Variants in STT3B observed in about 807,000 individuals in gnomAD.
STT3B encodes the protein dolichyl-diphosphooligosaccharide--protein glycosyltransferase subunit STT3B.
A neutral mutation model predicts 96.8 loss-of-function variants in STT3B; 29 were observed. That is an observed-to-expected ratio of 0.30 (90% CI 0.22 to 0.41). The LOEUF (loss-of-function observed/expected upper bound fraction) is 0.41, where lower values mean the gene tolerates loss of function less well. STT3B is among the 10% of genes least tolerant of loss of function. STT3B has a pLI of 1.00. For missense variants in STT3B, 640 were observed against 1,022.3 expected, an observed-to-expected ratio of 0.63 and a Z score of 5.10; for synonymous variants, 367 against 360.0, an observed-to-expected ratio of 1.02 and a Z score of -0.22.
intron 1 of STT3B, among the ~76,000 whole-genome samples, chr3:31,546,548 G>T (rs1267086080): frequency 1.3e-5 from 2 of 152,180 alleles, no homozygotes; most frequent in Non-Finnish European, 2.9e-5. Context: ...GCTATATTTT[G>T]TTGTTCTCAA....
intron 4 of STT3B, among the ~76,000 whole-genome samples, chr3:31,599,962 TACA>T (rs1339121181): frequency 3.3e-5 from 5 of 152,152 alleles, no homozygotes; most frequent in Admixed American, 3.3e-4. Flanking sequence ...TGACCTTTCT[TACA>T]ACAAATTTGT....
chr3:31,597,627 TA>T (rs1375483074), intron 4 of STT3B, among the ~76,000 whole-genome samples: 1 of 152,110 alleles, frequency 6.6e-6, no homozygotes, highest in Non-Finnish European at 1.5e-5. Flanking sequence ...TGGCTAATTT[TA>T]AAAAATATTT....
intron 15 of STT3B, among the ~76,000 whole-genome samples, chr3:31,635,424 C>A (rs1437240239): frequency 6.6e-6 from 1 of 152,066 alleles, no homozygotes; most frequent in African/African-American, 2.4e-5. Flanking sequence ...ATGTATGAAA[C>A]TGAAGGAATA....
At chr3:31,615,809 AC>A (rs1328159286) in intron 6 of STT3B, among the ~76,000 whole-genome samples, 1 of 151,822 alleles carries the variant, frequency 6.6e-6, no homozygotes, top group Admixed American at 6.6e-5. Flanking sequence ...TTTAAAAACA[AC>A]CCTTAAAATT....
At chr3:31,567,233 G>C (rs1003633438) in intron 1 of STT3B, among the ~76,000 whole-genome samples, 1 of 152,078 alleles carries the variant, frequency 6.6e-6, no homozygotes, top group Non-Finnish European at 1.5e-5. Flanking sequence ...TGTAATACTT[G>C]GTACAGTGCT....
In STT3B at chr3:31,593,996, T is replaced by C. The variant is rs1473167262; in HGVS notation, c.712-2802T>C. ...ATGTCTTATAGTTTTGGGTTGAAGC[T>C]TACCCTTGTTATTTTTAAAAATAGC... is the stretch of plus-strand genomic sequence containing the variant. On this transcript the variant is annotated intron_variant, in intron 3 of 15. Transcript: ENST00000295770. Among the ~76,000 whole-genome samples, 5 of 152,296 alleles carry C rather than the reference T, an allele frequency of 3.3e-5. No homozygotes were observed. The South Asian group carries it at 1.0e-3, about 32-fold the overall frequency.
At chr3:31,547,503 G>T (rs543654933) in intron 1 of STT3B, among the ~76,000 whole-genome samples, 1 of 151,974 alleles carries the variant, frequency 6.6e-6, no homozygotes, top group Admixed American at 6.6e-5. Context: ...AAAATCAGCC[G>T]GGCATGGTGG....
At chr3:31,621,264 T>C (rs969844294) in intron 9 of STT3B, among the ~76,000 whole-genome samples, 12 of 152,314 alleles carry the variant, frequency 7.9e-5, no homozygotes, top group African/African-American at 2.9e-4. Context: ...ACTAATTCTT[T>C]AGAAGTCTAA....
At chr3:31,600,881 A>G (rs999437225) in intron 5 of STT3B, among the ~76,000 whole-genome samples, 5 of 152,120 alleles carry the variant, frequency 3.3e-5, no homozygotes, top group African/African-American at 1.2e-4. Context: ...TGTTGTCTCT[A>G]GAAAAATGTT....
At chr3:31,540,193 A>G (rs1697229903) in intron 1 of STT3B, among the ~76,000 whole-genome samples, 1 of 152,192 alleles carries the variant, frequency 6.6e-6, no homozygotes, top group Non-Finnish European at 1.5e-5. Flanking sequence ...ATTCAGGCTT[A>G]GATTTGGAAA....
At chr3:31,628,185 A>G (rs1026405492) in intron 13 of STT3B, among the ~76,000 whole-genome samples, 1 of 150,486 alleles carries the variant, frequency 6.6e-6, no homozygotes, top group South Asian at 2.1e-4. Context: ...GGTGTACACC[A>G]TAAATATACA....
At chr3:31,578,962 T>C (rs532536657) in intron 2 of STT3B, among the ~76,000 whole-genome samples, 3 of 152,218 alleles carry the variant, frequency 2.0e-5, no homozygotes, top group South Asian at 4.1e-4. Context: ...ATAACCTTTG[T>C]AGTTTCTGTT....
intron 1 of STT3B, among the ~76,000 whole-genome samples, chr3:31,561,084 G>T (rs982443209): frequency 3.3e-5 from 5 of 151,726 alleles, no homozygotes; most frequent in Admixed American, 3.3e-4. Flanking sequence ...TTATGTTCTA[G>T]AATTTCTGTT....
intron 1 of STT3B, among the ~76,000 whole-genome samples, chr3:31,544,714 A>G (rs1260180255): frequency 6.6e-6 from 1 of 152,218 alleles, no homozygotes; most frequent in East Asian, 1.9e-4. Context: ...CTATAATCCC[A>G]GCACTTGGGA....
At chr3:31,542,199 G>A (rs1179535267) in intron 1 of STT3B, among the ~76,000 whole-genome samples, 20 of 152,066 alleles carry the variant, frequency 1.3e-4, no homozygotes, top group Admixed American at 1.3e-3. Flanking sequence ...CAAAATGACT[G>A]GTTTTAAACT....
intron 11 of STT3B, 52 bp downstream of exon 11, chr3:31,623,913 G>T: frequency 2.1e-6 from 3 of 1,397,142 alleles, no homozygotes; most frequent in South Asian, 1.4e-5. Context: ...CTTCTTTTTC[G>T]TTGTCTCAAA....
intron 1 of STT3B, among the ~76,000 whole-genome samples, chr3:31,554,566 T>A (rs1362781484): frequency 1.3e-5 from 2 of 152,206 alleles, no homozygotes; most frequent in Non-Finnish European, 2.9e-5. Flanking sequence ...AGGTGTAATT[T>A]CTCTGAAACT....
chr3:31,636,211 TA>T lies in STT3B; in HGVS notation c.*154del. The T allele has an allele frequency of 2.0e-6, 1 of 512,518 alleles. No individual in the cohort carries two copies. Among genetic ancestry groups the T allele is most frequent in the Non-Finnish European group, 3.4e-6 (1 of 294,178 alleles). 31.7% of individuals were successfully genotyped at this position (512,518 alleles called of 1,614,324 possible). On this transcript the variant is annotated 3_prime_UTR_variant, in exon 16 of 16. Transcript: ENST00000295770. ...ACAAAATTTTCTGGCAATGCCTGAT[TA>T]AAAAAATAAAATTGGCTTGTTGAGA...
intron 1 of STT3B, among the ~76,000 whole-genome samples, chr3:31,563,230 A>G (rs889674809): frequency 6.6e-6 from 1 of 152,224 alleles, no homozygotes; most frequent in Non-Finnish European, 1.5e-5. Context: ...AGATACATCT[A>G]GTCAACTATC....
Sources: gnomAD v4.1 joint callset for allele counts (sites outside exome capture counted in the v4.1 genomes callset) on GRCh38, gnomAD v4.1.1 for gene constraint, MANE v1.5 for transcripts, NCBI Gene and HGNC (gene_info 2026-07-23, HGNC 2026-07-21) for gene names.